PHKA2: variants seen among roughly 807,000 people sequenced by gnomAD.
PHKA2 encodes phosphorylase kinase regulatory subunit alpha 2, also known as phosphorylase b kinase regulatory subunit alpha, liver isoform.
A neutral mutation model predicts 102.0 loss-of-function variants in PHKA2; 31 were observed. The ratio of observed to expected loss-of-function variants is 0.30; its 90% CI spans 0.23 to 0.41. The LOEUF is 0.41. PHKA2 is among the 10% of genes least tolerant of loss of function. The probability of loss-of-function intolerance (pLI) is 1.00; values close to 1 mark genes in which losing one functional copy is unlikely to be tolerated. For synonymous variants in PHKA2, 455 were observed against 416.2 expected (o/e 1.09, Z -1.13); for missense variants, 858 against 1,023.1 (o/e 0.84, Z 2.20).
At chrX:18,980,440 G>C (rs1368649611) in intron 1 of PHKA2, among the ~76,000 whole-genome samples, 2 of 112,910 alleles carry the variant, frequency 1.8e-5, no homozygotes, top group East Asian at 5.6e-4. Flanking sequence ...CCTGTGGCAG[G>C]AGGCGAGATA....
At chrX:18,941,772 C>T (rs776765675) in intron 7 of PHKA2, 97 bp from the exon 8 acceptor site, 14 of 632,013 alleles carry the variant, frequency 2.2e-5, no homozygotes, top group Admixed American at 1.4e-4. Flanking sequence ...CATTCGAATA[C>T]GGTTGCCAAT....
intron 1 of PHKA2, among the ~76,000 whole-genome samples, chrX:18,957,586 C>T (rs759354005): frequency 2.7e-5 from 3 of 110,500 alleles, no homozygotes; most frequent in South Asian, 3.8e-4. Flanking sequence ...TGTAGAAATA[C>T]GTAACCATAA....
chrX:18,963,830 C>T (rs2048902062), intron 1 of PHKA2, among the ~76,000 whole-genome samples: 1 of 111,908 alleles, frequency 8.9e-6, no homozygotes, highest in Non-Finnish European at 1.9e-5. Flanking sequence ...ATGTTGTCAT[C>T]TACCCACCAG....
intron 5 of PHKA2, among the ~76,000 whole-genome samples, chrX:18,947,155 A>C (rs185532753): frequency 2.7e-5 from 3 of 112,012 alleles, no homozygotes; most frequent in Non-Finnish European, 5.6e-5. Context: ...CGTGTTGTCT[A>C]TGGCTGCTTT....
intron 1 of PHKA2, among the ~76,000 whole-genome samples, chrX:18,975,198 C>G: frequency 9.0e-6 from 1 of 111,690 alleles, no homozygotes; most frequent in East Asian, 2.8e-4. Context: ...TGTACTCCCA[C>G]AATTCCCACA....
intron 12 of PHKA2, among the ~76,000 whole-genome samples, chrX:18,929,658 A>T (rs1372216774): frequency 9.0e-6 from 1 of 111,652 alleles, no homozygotes; most frequent in Non-Finnish European, 1.9e-5. Flanking sequence ...ACAGGTAGGC[A>T]CTACTTTTGG....
At chrX:18,925,940 T>G (rs1019719003) in intron 14 of PHKA2, among the ~76,000 whole-genome samples, 163 bp from the exon 15 acceptor site, 2 of 111,701 alleles carry the variant, frequency 1.8e-5, no homozygotes, top group Admixed American at 9.5e-5. Context: ...AAGCTGAATA[T>G]TAAAACAAAT....
chrX:18,964,368 G>A (rs2048909575), intron 1 of PHKA2, among the ~76,000 whole-genome samples: 1 of 112,106 alleles, frequency 8.9e-6, no homozygotes, highest in South Asian at 3.6e-4. Context: ...AGAGGCCTCA[G>A]ACGAACCCTA....
chrX:18,919,905 CTTTT>C (rs2048087322), intron 18 of PHKA2, 123 bp downstream of exon 18: 5 of 581,699 alleles, frequency 8.6e-6, no homozygotes, highest in Admixed American at 8.0e-5. Flanking sequence ...TCAGAAGCCT[CTTTT>C]TTGTTTTTCC....
At chrX:18,911,853 C>T (rs1416425858) in intron 19 of PHKA2, among the ~76,000 whole-genome samples, 3 of 112,036 alleles carry the variant, frequency 2.7e-5, no homozygotes, top group African/African-American at 9.7e-5. Context: ...GAAGTGATTT[C>T]GCCTGACCTC....
Position 18,908,067 on chromosome X carries a change from G to T in PHKA2, c.2361-11C>A, listed in dbSNP as rs1569298875. On this transcript the variant is annotated splice_polypyrimidine_tract_variant and intron_variant, in intron 21 of 32. Coordinates refer to ENST00000379942, the MANE Select transcript of PHKA2 (RefSeq NM_000292.3). ...TCCCAGCTGGGACCCCTGCCAAGAG[G>T]TAGAAAAACCCAGAAATATGGTCCA... 1 of 1,207,184 alleles carries T rather than the reference G, an allele frequency of 8.3e-7. No homozygotes were observed. Among genetic ancestry groups the T allele is most frequent in the Non-Finnish European group, 1.1e-6 (1 of 891,199 alleles).
intron 1 of PHKA2, among the ~76,000 whole-genome samples, chrX:18,982,482 T>C (rs761969473): frequency 1.8e-5 from 2 of 112,368 alleles, no homozygotes; most frequent in South Asian, 7.3e-4. Flanking sequence ...ATATTACCTT[T>C]CTAAAAGCCA....
intron 10 of PHKA2, among the ~76,000 whole-genome samples, chrX:18,937,999 C>G (rs2048421006): frequency 8.9e-6 from 1 of 112,202 alleles, no homozygotes; most frequent in Admixed American, 9.4e-5. Context: ...CAAAACCTGT[C>G]TGTGATGGAA....
Position 18,899,163 on chromosome X carries a change from G to T in PHKA2, c.3111+10C>A. 6 of 1,201,227 alleles carry T rather than the reference G, an allele frequency of 5.0e-6. No individual in the cohort carries two copies. The highest frequency in any genetic ancestry group is 5.6e-6 in the Non-Finnish European group (5 of 885,785). ...CGGGGACGGACACAATAATCCCGAG[G>T]CACTGTTACCGCAGACTTGGAGGAA... On this transcript the variant is annotated intron_variant, in intron 29 of 32. Coordinates refer to ENST00000379942, the MANE Select transcript of PHKA2 (RefSeq NM_000292.3).
chrX:18,892,594 C>T lies in PHKA2; in HGVS notation c.*891G>A, dbSNP rs1414719053. 1 of 112,314 alleles carries T rather than the reference C, an allele frequency of 8.9e-6. No individual in the cohort carries two copies. Among genetic ancestry groups the T allele is most frequent in the East Asian group, 2.8e-4 (1 of 3,560 alleles). The allele number at this position is 112,314 out of a possible 1,213,427, so 9.3% of individuals were successfully genotyped here. ...TCTGCGGGGACATGCCTGTTCACTTCCATGGCACTGCTGACTTGTGCTCAC... is the reference window on the plus strand; with the variant it reads ...TCTGCGGGGACATGCCTGTTCACTTTCATGGCACTGCTGACTTGTGCTCAC... On this transcript the variant is annotated 3_prime_UTR_variant, in exon 33 of 33. Transcript: ENST00000379942.
At position 18,895,151 on chromosome X, in the gene PHKA2, G is replaced by A. The variant is rs769025893; in HGVS notation, c.3323C>T (p.Ser1108Leu). The change falls in exon 31 of 33, where the codon TCG becomes TTG. Residue 1108 changes from serine to leucine, a missense_variant. Physicochemically the swap from Ser to Leu is moderately radical, Grantham distance 145. Around this residue, in one of 2 missense-constraint regions of PHKA2, gnomAD observed 671 missense variants for 745.2 expected, o/e 0.90. Coordinates refer to ENST00000379942, the MANE Select transcript of PHKA2 (RefSeq NM_000292.3). ...LSIDGYVLPS[S>L]TTREMTPHEI... is the part of the protein sequence containing the mutation. ...TTCTCATCGTACCTCTCGGGTCGTCGAGGATGGGAGGACATAACCATCGAT... is the reference window on the plus strand; with the variant it reads ...TTCTCATCGTACCTCTCGGGTCGTCAAGGATGGGAGGACATAACCATCGAT... The A allele has an allele frequency of 1.6e-5, 19 of 1,210,997 alleles. No individual in the cohort carries two copies. Among genetic ancestry groups the A allele is most frequent in the Admixed American group, 2.2e-5 (1 of 46,088 alleles).
intron 19 of PHKA2, among the ~76,000 whole-genome samples, chrX:18,913,285 CAG>C (rs921848303): frequency 6.3e-5 from 7 of 111,714 alleles, no homozygotes; most frequent in African/African-American, 2.3e-4. Context: ...ATTCATCACA[CAG>C]TGTTCTTTAA....
chrX:18,977,065 T>C (rs1288828127), intron 1 of PHKA2, among the ~76,000 whole-genome samples: 2 of 112,482 alleles, frequency 1.8e-5, no homozygotes, highest in Non-Finnish European at 1.9e-5. Context: ...ACTTTAGCTG[T>C]AATCCCATAC....
rs578233826 is a variant in PHKA2 at position 18,920,594 on chromosome X, A to G, written c.1794-393T>C. Among the ~76,000 whole-genome samples the G allele has an allele frequency of 7.3e-4, 82 of 112,240 alleles. No individual in the cohort carries two copies. The South Asian group carries it at 0.028, about 38-fold the overall frequency. ...GCCCAGAAGCAGTGATTCTCTGGGCACACTCGTTCCATTATTTATGAGTCC... is the reference window on the plus strand; with the variant it reads ...GCCCAGAAGCAGTGATTCTCTGGGCGCACTCGTTCCATTATTTATGAGTCC... On this transcript the variant is annotated intron_variant, in intron 17 of 32. Coordinates refer to ENST00000379942, the MANE Select transcript of PHKA2 (RefSeq NM_000292.3).
Sources: allele counts gnomAD v4.1 joint callset (sites outside exome capture counted in the v4.1 genomes callset), GRCh38; gene constraint gnomAD v4.1.1; regional missense constraint gnomAD v4.1.1; transcripts MANE v1.5; gene names NCBI Gene and HGNC (gene_info 2026-07-23, HGNC 2026-07-21).